Variants in ABCC1 observed in about 807,000 individuals in gnomAD.
The protein encoded by ABCC1 is ATP binding cassette subfamily C member 1 (ABCC1 blood group).
In ABCC1, 83 loss-of-function variants were observed where a neutral mutation model predicts 172.9. The observed-to-expected ratio is 0.48, with a 90% CI of 0.40 to 0.58. The LOEUF is 0.58. Ranked by LOEUF, ABCC1 falls within the 20% of genes least tolerant of loss-of-function variation. The pLI is 0.00. For synonymous variants in ABCC1, 937 were observed against 825.2 expected (o/e 1.14, Z -2.32); for missense variants, 1,817 against 2,002.7 (o/e 0.91, Z 1.77).
At chr16:16,122,299 T>C (rs1454099726) in intron 24 of ABCC1, 125 bp downstream of exon 24, 1 of 1,048,592 alleles carries the variant, frequency 9.5e-7, no homozygotes, top group East Asian at 2.6e-5. Flanking sequence ...GCAGAAAGGA[T>C]GGAGAGGCTT....
chr16:16,069,668 G>A (rs1596457226), intron 13 of ABCC1, among the ~76,000 whole-genome samples: 1 of 152,018 alleles, frequency 6.6e-6, no homozygotes, highest in African/African-American at 2.4e-5. Flanking sequence ...TATGAAAAAT[G>A]TCAAGTGTAC....
intron 1 of ABCC1, among the ~76,000 whole-genome samples, chr16:16,003,011 A>G (rs1436285187): frequency 6.6e-6 from 1 of 152,238 alleles, no homozygotes; most frequent in Non-Finnish European, 1.5e-5. Context: ...AAAGAGTTTT[A>G]GCACACAAAT....
At chr16:15,960,132 C>G (rs556951040) in intron 1 of ABCC1, among the ~76,000 whole-genome samples, 2 of 152,148 alleles carry the variant, frequency 1.3e-5, no homozygotes, top group Non-Finnish European at 2.9e-5. Flanking sequence ...CTTGTTCTGT[C>G]GCCCTAGCTG....
chr16:16,114,805 G>C lies in ABCC1; in HGVS notation c.3119G>C (p.Gly1040Ala). The C allele has an allele frequency of 6.2e-7, 1 of 1,607,906 alleles. No individual in the cohort carries two copies. The highest frequency in any genetic ancestry group is 8.5e-7 in the Non-Finnish European group (1 of 1,174,776). The part of the protein sequence containing the change: ...VFGYSMAVSI[G>A]GILASRCLHV... ...GGCTACTCCATGGCCGTGTCCATCG[G>C]GGGGATCTTGGCTTCCCGCTGTCTG... The change falls in exon 23 of 31, where the codon GGG becomes GCG. Residue 1040 changes from glycine to alanine, a missense_variant. Gly to Ala is a moderately conservative substitution (Grantham distance 60). Transcript: ENST00000399410.
intron 5 of ABCC1, among the ~76,000 whole-genome samples, chr16:16,028,267 A>G (rs539212841): frequency 7.0e-4 from 107 of 152,144 alleles, no homozygotes; most frequent in Non-Finnish European, 1.1e-3. Flanking sequence ...GATTGTAATT[A>G]TATATTTGTT....
intron 1 of ABCC1, among the ~76,000 whole-genome samples, chr16:15,986,668 C>G (rs1045918867): frequency 6.6e-6 from 1 of 152,202 alleles, no homozygotes; most frequent in African/African-American, 2.4e-5. Flanking sequence ...GACCTCTGAT[C>G]TGGGACATTC....
At chr16:16,032,363 C>G (rs1597144908) in intron 5 of ABCC1, among the ~76,000 whole-genome samples, 1 of 152,294 alleles carries the variant, frequency 6.6e-6, no homozygotes, top group African/African-American at 2.4e-5. Flanking sequence ...TTGTGTAAAG[C>G]ACTTAGAAAA....
intron 12 of ABCC1, among the ~76,000 whole-genome samples, chr16:16,057,191 AAAAAAAAG>A: frequency 7.0e-6 from 1 of 143,292 alleles, no homozygotes; most frequent in Non-Finnish European, 1.5e-5. Flanking sequence ...AAAAAAAAAA[AAAAAAAAG>A]AAAGAAAAAA....
Position 15,964,303 on chromosome 16 carries a change from C to T in ABCC1, c.48+14504C>T, listed in dbSNP as rs184581585. On this transcript the variant is annotated intron_variant, in intron 1 of 30. Coordinates refer to ENST00000399410, the MANE Select transcript of ABCC1 (RefSeq NM_004996.4). ...TGCTTTGCTGCTTAGTAATTTCTTC[C>T]CCTAGATGCCCTAAATCTTCTCTCT... Among the ~76,000 whole-genome samples the T allele has an allele frequency of 3.0e-3, 459 of 152,208 alleles. 2 individuals are homozygous for T. Among genetic ancestry groups the T allele is most frequent in the South Asian group, 4.6e-3 (22 of 4,820 alleles).
chr16:16,079,498 G>T lies in ABCC1; in HGVS notation c.2115+20G>T. 1 of 1,598,198 alleles carries T rather than the reference G, an allele frequency of 6.3e-7. No individual in the cohort carries two copies. The highest frequency in any genetic ancestry group is 8.6e-7 in the Non-Finnish European group (1 of 1,167,378). ...ATCAAGGTAGGATGAGGACCAGCGG[G>T]GAGGGGCAGTGGGGAAGCTGGTGGT... On this transcript the variant is annotated intron_variant, in intron 16 of 30. Coordinates refer to ENST00000399410, the MANE Select transcript of ABCC1 (RefSeq NM_004996.4).
At position 16,083,375 on chromosome 16, in the gene ABCC1, G is replaced by T. The variant is rs1225610690; in HGVS notation, c.2125G>T (p.Ala709Ser). 6.2e-7 allele frequency: 1 copy of T among 1,613,440 alleles called. No individual in the cohort carries two copies. The highest frequency in any genetic ancestry group is 1.3e-5 in the African/African-American group (1 of 75,036). ...TCCATTTGCAACTTAGGGCTCCGTG[G>T]CCTATGTGCCACAGCAGGCCTGGAT... The part of the protein sequence containing the change: ...EGHVAIKGSV[A>S]YVPQQAWIQN... Residue 709 changes from alanine (A) to serine (S), a missense_variant, in exon 17 of 31, where the codon GCC (alanine) becomes TCC (serine). Transcript: ENST00000399410.
At chr16:15,949,442 G>C (rs532716140), upstream of ABCC1, 1 of 151,158 alleles carries the variant, frequency 6.6e-6, no homozygotes, top group African/African-American at 2.4e-5. Context: ...TGGGGTGGGG[G>C]TGGCGCGGGG....
At chr16:16,134,622 GTTCT>G (rs958716769) in intron 28 of ABCC1, 114 bp downstream of exon 28, 171 of 574,626 alleles carry the variant, frequency 3.0e-4, no homozygotes, top group Middle Eastern at 1.0e-3. Flanking sequence ...CTACTTCATC[GTTCT>G]TTTTTTTTTT....
chr16:15,974,631 T>A (rs756722154), intron 1 of ABCC1, among the ~76,000 whole-genome samples: 2 of 152,198 alleles, frequency 1.3e-5, no homozygotes, highest in South Asian at 4.1e-4. Flanking sequence ...ATTTATGACA[T>A]ACTTCCCAGT....
chr16:15,976,158 T>G (rs2046487096), intron 1 of ABCC1, among the ~76,000 whole-genome samples: 1 of 151,850 alleles, frequency 6.6e-6, no homozygotes, highest in African/African-American at 2.4e-5. Context: ...TCCCAGCTAC[T>G]CGGGAGGCTG....
intron 6 of ABCC1, among the ~76,000 whole-genome samples, chr16:16,034,535 C>T (rs1471126242): frequency 6.6e-6 from 1 of 151,006 alleles, no homozygotes. Flanking sequence ...GAAGAGAATA[C>T]CTCCAGTTTT....
At chr16:15,980,958 A>G (rs564740734) in intron 1 of ABCC1, among the ~76,000 whole-genome samples, 1 of 152,326 alleles carries the variant, frequency 6.6e-6, no homozygotes, top group South Asian at 2.1e-4. Flanking sequence ...CCCATTCCAA[A>G]TGGGAAAATT....
chr16:15,988,626 A>G (rs942748770), intron 1 of ABCC1, among the ~76,000 whole-genome samples: 1 of 152,176 alleles, frequency 6.6e-6, no homozygotes, highest in Non-Finnish European at 1.5e-5. Flanking sequence ...TGTCAGCTTC[A>G]TAGGACGGGC....
chr16:15,973,698 G>T (rs1777102332), intron 1 of ABCC1, among the ~76,000 whole-genome samples: 1 of 152,126 alleles, frequency 6.6e-6, no homozygotes, highest in Non-Finnish European at 1.5e-5. Context: ...CATGTGAGCT[G>T]GGCGTGGTGA....
Sources: gnomAD v4.1 joint callset for allele counts (sites outside exome capture counted in the v4.1 genomes callset) on GRCh38, gnomAD v4.1.1 for gene constraint, MANE v1.5 for transcripts, NCBI Gene and HGNC (gene_info 2026-07-23, HGNC 2026-07-21) for gene names.